ALG12: variants seen among roughly 807,000 people sequenced by gnomAD.
ALG12 encodes the protein ALG12 alpha-1,6-mannosyltransferase, also known as dol-P-Man:Man(7)GlcNAc(2)-PP-Dol alpha-1,6-mannosyltransferase.
Under a neutral mutation model 46.0 loss-of-function variants are expected in ALG12, and 36 were observed. The observed-to-expected ratio is 0.78, with a 90% CI of 0.60 to 1.03. The LOEUF (loss-of-function observed/expected upper bound fraction) is 1.03. Among genes scored for constraint, ALG12 ranks in the 50% least tolerant of loss-of-function variants. The pLI is 0.00. For synonymous variants in ALG12, 326 were observed against 291.6 expected, an observed-to-expected ratio of 1.12 and a Z score of -1.20; for missense variants, 599 against 633.5, an observed-to-expected ratio of 0.95 and a Z score of 0.58.
chr22:49,867,581 C>G, the ALG12 span, among the ~76,000 whole-genome samples: 2 of 152,208 alleles, frequency 1.3e-5, no homozygotes, highest in African/African-American at 4.8e-5. Flanking sequence ...CCTGACCCTC[C>G]TCTGCTTTGC....
chr22:49,886,656 C>G, the ALG12 span: 3 of 1,603,694 alleles, frequency 1.9e-6, no homozygotes, highest in Non-Finnish European at 2.6e-6. This position sits in a 1 kb window ranked among gnomAD's most constrained non-coding sequence, Gnocchi z 7.7. Context: ...CCACCCTCCA[C>G]GACCCGCGGT....
chr22:49,893,519 A>T, the ALG12 span, among the ~76,000 whole-genome samples: 1 of 152,210 alleles, frequency 6.6e-6, no homozygotes, highest in South Asian at 2.1e-4. Context: ...AAATGCTGAA[A>T]GGAAATAATT....
chr22:49,886,094 C>T, the ALG12 span: 1 of 680,976 alleles, frequency 1.5e-6, no homozygotes, highest in Non-Finnish European at 2.7e-6. The surrounding 1 kb of genome is among the most constrained non-coding windows in gnomAD (Gnocchi z 7.7). Flanking sequence ...ACCGACAACG[C>T]CAGCATCGGG....
At chr22:49,867,306 C>A in the ALG12 span, among the ~76,000 whole-genome samples, 2 of 152,310 alleles carry the variant, frequency 1.3e-5, no homozygotes, top group African/African-American at 4.8e-5. Context: ...ATGTTATGGG[C>A]CAGCATGTGG....
chr22:49,909,882 T>G lies in ALG12; in HGVS notation c.664+12A>C. The G allele has an allele frequency of 2.5e-6, 4 of 1,613,798 alleles. No homozygotes were observed. The highest frequency in any genetic ancestry group is 3.4e-6 in the Non-Finnish European group (4 of 1,179,882). On this transcript the variant is annotated intron_variant, in intron 5 of 9. Transcript: ENST00000330817. ...AAATCCAGTTAGAAGCATCCCACAG[T>G]GACTGACTTACCTAAACAGAGGATC...
rs371860013 is a variant in ALG12 at position 49,910,074 on chromosome 22, C to T, written c.484G>A (p.Ala162Thr). The T allele has an allele frequency of 9.3e-6, 15 of 1,608,852 alleles. No homozygotes were observed. Among genetic ancestry groups the T allele is most frequent in the African/African-American group, 2.7e-5 (2 of 74,850 alleles). The change falls in exon 5 of 10, where the codon GCG becomes ACG. Residue 162 changes from alanine (A) to threonine (T), a missense_variant. Physicochemically the swap from Ala to Thr is moderately conservative, Grantham distance 58 (BLOSUM62 0). Transcript: ENST00000330817. ...GCCCACTCGTGCCGCAGCCAGGCCGCGAGGGCCAGCAGGACTGCAAGACAG... is the reference window on the plus strand; with the variant it reads ...GCCCACTCGTGCCGCAGCCAGGCCGTGAGGGCCAGCAGGACTGCAAGACAG... ...LALPVVLLAL[A>T]AWLRHEWARF...
the ALG12 span, among the ~76,000 whole-genome samples, chr22:49,869,678 G>T: frequency 2.0e-5 from 3 of 152,182 alleles, no homozygotes; most frequent in African/African-American, 7.2e-5. Context: ...GAAATAATCT[G>T]ATATACGTAA....
At chr22:49,881,966 G>A in the ALG12 span, among the ~76,000 whole-genome samples, 2 of 152,276 alleles carry the variant, frequency 1.3e-5, no homozygotes, top group African/African-American at 2.4e-5. Flanking sequence ...ACTTTTTAGG[G>A]CAACCATACA....
chr22:49,887,392 A>G, the ALG12 span: 15 of 467,426 alleles, frequency 3.2e-5, no homozygotes, highest in Admixed American at 4.0e-4. Flanking sequence ...TCCACTAGAA[A>G]TAGCTTGTCC....
intron 1 of ALG12, among the ~76,000 whole-genome samples, chr22:49,915,318 G>A (rs2060603398): frequency 6.6e-6 from 1 of 152,122 alleles, no homozygotes; most frequent in South Asian, 2.1e-4. Flanking sequence ...CAGCTCTTCG[G>A]GAGGCTGAGG....
chr22:49,894,215 C>T, the ALG12 span, among the ~76,000 whole-genome samples: 1 of 152,132 alleles, frequency 6.6e-6, no homozygotes, highest in Non-Finnish European at 1.5e-5. Context: ...TCTAGGGTAA[C>T]CGCTAAAAGC....
At chr22:49,871,531 G>C in the ALG12 span, among the ~76,000 whole-genome samples, 393 of 152,078 alleles carry the variant, frequency 2.6e-3, 9 homozygotes, top group African/African-American at 9.0e-3. Flanking sequence ...TCTGGTAAGC[G>C]TGCAATAGCA....
chr22:49,871,892 C>G, the ALG12 span, among the ~76,000 whole-genome samples: 1 of 151,970 alleles, frequency 6.6e-6, no homozygotes, highest in South Asian at 2.1e-4. Flanking sequence ...ATTACAGGTG[C>G]ACACCAACAT....
chr22:49,885,291 A>C, the ALG12 span: 285 of 1,594,990 alleles, frequency 1.8e-4, 1 homozygote, highest in African/African-American at 3.4e-3. Context: ...ACTTGCCAAC[A>C]GTGGTCACAA....
intron 1 of ALG12, among the ~76,000 whole-genome samples, chr22:49,917,703 TAC>T (rs1313530090): frequency 4.2e-5 from 6 of 142,620 alleles, no homozygotes; most frequent in African/African-American, 1.7e-4. Flanking sequence ...AATCAGATGT[TAC>T]TTTTTTTTTT....
the ALG12 span, chr22:49,884,289 C>T: frequency 6.2e-7 from 1 of 1,612,806 alleles, no homozygotes; most frequent in Non-Finnish European, 8.5e-7. Flanking sequence ...TCAAACTTGT[C>T]CAGAAAGTGG....
At chr22:49,909,198 C>A (rs2060561106) in intron 6 of ALG12, 46 bp downstream of exon 6, 1 of 1,574,478 alleles carries the variant, frequency 6.4e-7, no homozygotes, top group Non-Finnish European at 8.7e-7. Flanking sequence ...GGAGATGTGG[C>A]TGCAGGTCCC....
In ALG12 at chr22:49,913,689, A is replaced by T. The variant is rs1208963988; in HGVS notation, c.77T>A (p.Val26Asp). ...CTCCACTTTGGTGTAGGGACAGATG[A>T]CCAGGTGGACAGTGGCTACGGCCAC... is the stretch of plus-strand genomic sequence containing the variant. ...LLVAVATVHL[V>D]ICPYTKVEES... The change falls in exon 2 of 10, where the codon GTC (valine) becomes GAC (aspartate). Residue 26 changes from valine (V) to aspartate (D), a missense_variant. Coordinates refer to ENST00000330817, the MANE Select transcript of ALG12 (RefSeq NM_024105.4). 3 of 1,613,884 alleles carry T rather than the reference A, an allele frequency of 1.9e-6. No homozygotes were observed. The Admixed American group carries it at 5.0e-5, about 27-fold the overall frequency.
the ALG12 span, among the ~76,000 whole-genome samples, chr22:49,864,772 G>T: frequency 7.7e-6 from 1 of 129,168 alleles, no homozygotes; most frequent in Admixed American, 9.3e-5. Context: ...AGTGAGCTGA[G>T]ATTGTGTACT....
Sources: allele counts gnomAD v4.1 joint callset (sites outside exome capture counted in the v4.1 genomes callset), GRCh38; gene constraint gnomAD v4.1.1; non-coding constraint Gnocchi (gnomAD v3.1); transcripts MANE v1.5; gene names NCBI Gene and HGNC (gene_info 2026-07-23, HGNC 2026-07-21).